FNBP1L: variants seen among roughly 807,000 people sequenced by gnomAD.
FNBP1L encodes formin-binding protein 1-like.
FNBP1L carries 36 observed loss-of-function variants against 91.2 expected under a neutral mutation model. The ratio of observed to expected loss-of-function variants is 0.39; its 90% CI spans 0.30 to 0.52. The LOEUF (loss-of-function observed/expected upper bound fraction) is 0.52. Among genes scored for constraint, FNBP1L ranks in the 20% least tolerant of loss-of-function variants. The pLI, the probability that FNBP1L is intolerant of heterozygous loss-of-function variation, is 0.66. For missense variants in FNBP1L, 571 were observed against 732.1 expected (o/e 0.78, Z 2.54); for synonymous variants, 242 against 237.0 (o/e 1.02, Z -0.19).
intron 1 of FNBP1L, 55 bp from the exon 2 acceptor site, chr1:93,499,413 A>G: frequency 8.9e-7 from 1 of 1,119,664 alleles, no homozygotes; most frequent in Admixed American, 2.2e-5. Context: ...TGTTAAAAAT[A>G]TCTGTGGATA....
At chr1:93,449,817 C>T (rs560001389) in intron 1 of FNBP1L, among the ~76,000 whole-genome samples, 74 of 152,262 alleles carry the variant, frequency 4.9e-4, no homozygotes, top group South Asian at 4.1e-3. Flanking sequence ...GCCTTTTTCC[C>T]TTACACTTTG....
intron 3 of FNBP1L, 65 bp from the exon 4 acceptor site, chr1:93,523,279 A>T: frequency 1.3e-6 from 2 of 1,508,738 alleles, no homozygotes; most frequent in Non-Finnish European, 1.8e-6. Context: ...GATTCAGTCC[A>T]TACCTCACCA....
At chr1:93,517,045 T>TTC (rs1671147470) in intron 2 of FNBP1L, among the ~76,000 whole-genome samples, 1 of 146,942 alleles carries the variant, frequency 6.8e-6, no homozygotes, top group East Asian at 2.0e-4. Context: ...TCCTCTTCCT[T>TTC]TTTTTTTTTT....
At chr1:93,454,125 T>C (rs1668580177) in intron 1 of FNBP1L, among the ~76,000 whole-genome samples, 1 of 152,198 alleles carries the variant, frequency 6.6e-6, no homozygotes, top group Non-Finnish European at 1.5e-5. Context: ...TCTGATTCAT[T>C]GCTGTATCCT....
chr1:93,464,274 A>G (rs150255851), intron 1 of FNBP1L, among the ~76,000 whole-genome samples: 2 of 152,350 alleles, frequency 1.3e-5, no homozygotes, highest in African/African-American at 4.8e-5. Context: ...CTGAGTAGCT[A>G]CAGTACATAC....
In FNBP1L at chr1:93,527,740, G is replaced by T. The variant is rs181456238; in HGVS notation, c.406-1912G>T. ...TTTTAAATAAGAGCAGATATCCAAGGATCCCAGGATATTTAAAGAAGACAT... is the reference window on the plus strand; with the variant it reads ...TTTTAAATAAGAGCAGATATCCAAGTATCCCAGGATATTTAAAGAAGACAT... On this transcript the variant is annotated intron_variant, in intron 5 of 16. Transcript: ENST00000271234. 3.7e-4 allele frequency among the ~76,000 whole-genome samples: 57 copies of T among 152,126 alleles called. 1 individual carries two copies. Among genetic ancestry groups the T allele is most frequent in the African/African-American group, 1.3e-3 (56 of 41,492 alleles).
At chr1:93,504,722 G>A (rs1670549743) in intron 2 of FNBP1L, among the ~76,000 whole-genome samples, 1 of 152,082 alleles carries the variant, frequency 6.6e-6, no homozygotes, top group African/African-American at 2.4e-5. Context: ...GCATTTCCCT[G>A]ACCATTTGTG....
Position 93,552,498 on chromosome 1 carries a change from G to C in FNBP1L, c.*82G>C. 6.6e-7 allele frequency: 1 copy of C among 1,513,680 alleles called. No individual in the cohort carries two copies. Among genetic ancestry groups the C allele is most frequent in the South Asian group, 1.3e-5 (1 of 77,772 alleles). The allele number at this position is 1,513,680 out of a possible 1,614,324, so 93.8% of individuals were successfully genotyped here. On this transcript the variant is annotated 3_prime_UTR_variant, in exon 17 of 17. Transcript: ENST00000271234. ...TGGGGGAGGGTATTAGAGTTGTCAG[G>C]CTCAAAGAGAGTGAGAGAAGCAAGT...
In FNBP1L at chr1:93,457,993, G is replaced by A. The variant is rs1435231903; in HGVS notation, c.24+9688G>A. Among the ~76,000 whole-genome samples, 9 of 151,776 alleles carry A rather than the reference G, an allele frequency of 5.9e-5. 1 individual carries two copies. Among genetic ancestry groups the A allele is most frequent in the Admixed American group, 3.9e-4 (6 of 15,228 alleles). On this transcript the variant is annotated intron_variant, in intron 1 of 16. Transcript: ENST00000271234. ...TTTTTAGTAGAGACAGGGTTTCACC[G>A]TGCTAACCAGGATGGTCTCGACCTC... is the stretch of plus-strand genomic sequence containing the variant.
At chr1:93,520,871 A>G (rs530897056) in intron 2 of FNBP1L, among the ~76,000 whole-genome samples, 55 of 152,036 alleles carry the variant, frequency 3.6e-4, no homozygotes, top group Non-Finnish European at 5.9e-4. Context: ...GTGAAACCCT[A>G]TCTCTACTAA....
At chr1:93,460,040 C>G (rs1354623962) in intron 1 of FNBP1L, among the ~76,000 whole-genome samples, 1 of 150,138 alleles carries the variant, frequency 6.7e-6, no homozygotes, top group Non-Finnish European at 1.5e-5. Flanking sequence ...TCTGAAAATC[C>G]AAAACCTGAA....
At chr1:93,520,280 C>G (rs940421185) in intron 2 of FNBP1L, among the ~76,000 whole-genome samples, 1 of 152,138 alleles carries the variant, frequency 6.6e-6, no homozygotes, top group African/African-American at 2.4e-5. Context: ...TTAATTGATA[C>G]TAATCTGAGA....
chr1:93,554,510 G>A lies in FNBP1L; in HGVS notation c.*2094G>A, dbSNP rs1039076970. 5 of 152,618 alleles carry A rather than the reference G, an allele frequency of 3.3e-5. No individual in the cohort carries two copies. The highest frequency in any genetic ancestry group is 6.5e-5 in the Admixed American group (1 of 15,284). 9.5% of individuals were successfully genotyped at this position (152,618 alleles called of 1,614,324 possible). A position where few individuals can be genotyped will look rare whatever the true frequency, so the allele number is the denominator to read the frequency against. ...TAAATCATTCTTAAATTTTGAACAT[G>A]TGAATTGTCCCAAAAAATCTTTAAT... On this transcript the variant is annotated 3_prime_UTR_variant, in exon 17 of 17. Transcript: ENST00000271234.
Position 93,536,367 on chromosome 1 carries a change from C to A in FNBP1L, c.1026C>A (p.Phe342Leu). Residue 342 changes from phenylalanine to leucine, a missense_variant, in exon 10 of 17, where the codon TTC becomes TTA. Phe to Leu is a conservative substitution (Grantham distance 22). Transcript: ENST00000271234. Reference protein sequence around the residue: ...QSPPLTPTSLFTSSTPNGSQF... With the variant: ...QSPPLTPTSLLTSSTPNGSQF... Reference sequence around the variant, plus strand: ...CACCCTTAACCCCTACTAGTTTATTCACATCCAGTACTCCTAATGGGTCCC... The same window carrying A: ...CACCCTTAACCCCTACTAGTTTATTAACATCCAGTACTCCTAATGGGTCCC... 6.5e-7 allele frequency: 1 copy of A among 1,548,806 alleles called. No individual in the cohort carries two copies. The highest frequency in any genetic ancestry group is 8.7e-7 in the Non-Finnish European group (1 of 1,145,344).
In FNBP1L at chr1:93,499,590, T is replaced by G. The variant is rs771924585; in HGVS notation, c.140+7T>G. 2.0e-6 allele frequency: 3 copies of G among 1,509,334 alleles called. No individual in the cohort carries two copies. The highest frequency in any genetic ancestry group is 2.8e-5 in the African/African-American group (2 of 71,180). The allele number at this position is 1,509,334 out of a possible 1,614,324, so 93.5% of individuals were successfully genotyped here. A position where few individuals can be genotyped will look rare whatever the true frequency, so the allele number is the denominator to read the frequency against. Reference sequence around the variant, plus strand: ...ACTATGCGAAACAATTGAGGTAAGTTAATTTTTTTTTCAGTTTTTAGAATG... The same window carrying G: ...ACTATGCGAAACAATTGAGGTAAGTGAATTTTTTTTTCAGTTTTTAGAATG... On this transcript the variant is annotated splice_region_variant and intron_variant, in intron 2 of 16. Transcript: ENST00000271234.
intron 2 of FNBP1L, among the ~76,000 whole-genome samples, chr1:93,515,527 A>G (rs1411946387): frequency 6.6e-6 from 1 of 152,142 alleles, no homozygotes; most frequent in Non-Finnish European, 1.5e-5. Flanking sequence ...AATGTCCAAT[A>G]ATGATAGACT....
At chr1:93,459,808 G>A (rs1034421551) in intron 1 of FNBP1L, among the ~76,000 whole-genome samples, 26 of 152,118 alleles carry the variant, frequency 1.7e-4, no homozygotes, top group Admixed American at 3.3e-4. Flanking sequence ...GTCAAGATAC[G>A]GGATTGCTAT....
intron 1 of FNBP1L, among the ~76,000 whole-genome samples, chr1:93,493,070 C>G (rs1469228509): frequency 1.3e-5 from 2 of 152,106 alleles, no homozygotes; most frequent in African/African-American, 4.8e-5. Context: ...TTGAGACTAG[C>G]CTGGGCAACA....
At chr1:93,532,481 A>G (rs1671710346) in intron 7 of FNBP1L, among the ~76,000 whole-genome samples, 1 of 151,182 alleles carries the variant, frequency 6.6e-6, no homozygotes, top group African/African-American at 2.4e-5. Context: ...AAAAAAAAAA[A>G]AAAAAAAAGT....
Sources: gnomAD v4.1 joint callset for allele counts (sites outside exome capture counted in the v4.1 genomes callset) on GRCh38, gnomAD v4.1.1 for gene constraint, MANE v1.5 for transcripts, NCBI Gene and HGNC (gene_info 2026-07-23, HGNC 2026-07-21) for gene names.